The following AGO3 variants were observed in gnomAD, a reference collection of about 807,000 sequenced individuals.
AGO3 encodes the protein protein argonaute-3.
A neutral mutation model predicts 105.5 loss-of-function variants in AGO3; 16 were observed. That is an observed-to-expected ratio of 0.15 (90% CI 0.10 to 0.23). AGO3 has a LOEUF of 0.23. Among genes scored for constraint, AGO3 ranks in the 10% least tolerant of loss-of-function variants. The pLI, the probability that AGO3 is intolerant of heterozygous loss-of-function variation, is 1.00. For synonymous variants in AGO3, 340 were observed against 367.3 expected (o/e 0.93, Z 0.85); for missense variants, 534 against 1,088.0 (o/e 0.49, Z 7.16).
intron 6 of AGO3, chr1:36,005,647 C>T (rs956316231): frequency 1.1e-4 from 98 of 903,088 alleles, no homozygotes; most frequent in South Asian, 3.1e-4. Context: ...GTTACCACCT[C>T]TGATATCATG....
rs1165696072 is a variant in AGO3, at chr1:35,972,856, A to ATTTT, written c.522-501_522-498dup. Reference sequence around the variant, plus strand: ...ATCATGCCTGACTAATTAAAAAAAAATTTTTTTTTTTTTTTTTTTTTGTAG... The same window carrying ATTTT: ...ATCATGCCTGACTAATTAAAAAAAAATTTTTTTTTTTTTTTTTTTTTTTTTGTAG... On this transcript the variant is annotated intron_variant, in intron 4 of 18. Transcript: ENST00000373191. Among the ~76,000 whole-genome samples, 76 of 122,884 alleles carry ATTTT rather than the reference A, an allele frequency of 6.2e-4. 1 individual carries two copies. The highest frequency in any genetic ancestry group is 3.8e-3 in the Admixed American group (40 of 10,426). The allele number at this position is 122,884 out of a possible 152,430, so 80.6% of individuals were successfully genotyped here.
intron 9 of AGO3, among the ~76,000 whole-genome samples, chr1:36,010,094 A>G (rs1640528179): frequency 6.6e-6 from 1 of 151,530 alleles, no homozygotes; most frequent in Non-Finnish European, 1.5e-5. Flanking sequence ...GCATGCCACC[A>G]CGCCTGGCTA....
At position 36,056,348 on chromosome 1, in the gene AGO3, G is replaced by A. The variant is rs559525809; in HGVS notation, c.*603G>A. ...TCCCTTTTATTCTACCCCCACTACC[G>A]CCTTTATTTCTCTATTTCCCTTGCC... On this transcript the variant is annotated 3_prime_UTR_variant, in exon 19 of 19. Transcript: ENST00000373191. 2.0e-5 allele frequency: 3 copies of A among 151,934 alleles called. No homozygotes were observed. The highest frequency in any genetic ancestry group is 2.1e-4 in the South Asian group (1 of 4,814). 9.4% of individuals were successfully genotyped at this position (151,934 alleles called of 1,614,324 possible).
At position 36,056,964 on chromosome 1, in the gene AGO3, T is replaced by G. The variant is rs1642937575; in HGVS notation, c.*1219T>G. ...ACCGTGTTGGCCAGGATGGTCTCGA[T>G]CTCTTGACCTTGTGATCCACCCGCC... On this transcript the variant is annotated 3_prime_UTR_variant, in exon 19 of 19. Coordinates refer to ENST00000373191, the MANE Select transcript of AGO3 (RefSeq NM_024852.4). 1 of 152,138 alleles carries G rather than the reference T, an allele frequency of 6.6e-6. No homozygotes were observed. The highest frequency in any genetic ancestry group is 1.5e-5 in the Non-Finnish European group (1 of 68,048). 9.4% of individuals were successfully genotyped at this position (152,138 alleles called of 1,614,324 possible). A position where few individuals can be genotyped will look rare whatever the true frequency, so the allele number is the denominator to read the frequency against.
intron 1 of AGO3, 140 bp downstream of exon 1, chr1:35,931,585 C>T: frequency 1.1e-6 from 1 of 943,576 alleles, no homozygotes. Context: ...TCGCCCTGCT[C>T]CTCCGCGACC....
At chr1:36,053,027 G>A (rs1255808911) in intron 17 of AGO3, among the ~76,000 whole-genome samples, 1 of 152,008 alleles carries the variant, frequency 6.6e-6, no homozygotes, top group African/African-American at 2.4e-5. Context: ...GTTTCCTCCA[G>A]TATTTAATAA....
chr1:35,964,477 T>C (rs1416752447), intron 2 of AGO3, among the ~76,000 whole-genome samples: 1 of 152,198 alleles, frequency 6.6e-6, no homozygotes, highest in Admixed American at 6.5e-5. Context: ...TATGACTGCA[T>C]AGTATTCCAT....
Position 35,948,133 on chromosome 1 carries a change from A to C in AGO3, c.191+2270A>C, listed in dbSNP as rs548124455. ...TAAGTAAAGATCTGGGGCTTGAGGG[A>C]TGTCAATTCAAGTTTTTTTAGTATG... is the stretch of plus-strand genomic sequence containing the variant. On this transcript the variant is annotated intron_variant, in intron 2 of 18. Transcript: ENST00000373191. Among the ~76,000 whole-genome samples the C allele has an allele frequency of 4.6e-5, 7 of 152,178 alleles. No individual in the cohort carries two copies. The South Asian group carries it at 1.5e-3, about 32-fold the overall frequency.
intron 5 of AGO3, among the ~76,000 whole-genome samples, chr1:35,990,171 A>G (rs1647487623): frequency 6.6e-6 from 1 of 152,166 alleles, no homozygotes; most frequent in African/African-American, 2.4e-5. Flanking sequence ...TTAAGAAGCA[A>G]GATCCCTGGC....
At chr1:35,979,026 T>A (rs1647001847) in intron 5 of AGO3, among the ~76,000 whole-genome samples, 1 of 152,162 alleles carries the variant, frequency 6.6e-6, no homozygotes, top group Non-Finnish European at 1.5e-5. Flanking sequence ...ATCTTTTTGT[T>A]TTCTGGATTT....
intron 5 of AGO3, among the ~76,000 whole-genome samples, chr1:35,980,387 T>G (rs938677552): frequency 2.1e-4 from 32 of 152,252 alleles, no homozygotes; most frequent in African/African-American, 7.2e-4. Context: ...TATTCATTGA[T>G]TTGAATTCCT....
In AGO3 at chr1:35,979,506, T is replaced by C. The variant is rs114972191; in HGVS notation, c.658+5995T>C. On this transcript the variant is annotated intron_variant, in intron 5 of 18. Coordinates refer to ENST00000373191, the MANE Select transcript of AGO3 (RefSeq NM_024852.4). ...TCATATATTAGTTTAGAGTGAAATATCCATCAGAGCTACCAGTTTGATTAT... is the reference window on the plus strand; with the variant it reads ...TCATATATTAGTTTAGAGTGAAATACCCATCAGAGCTACCAGTTTGATTAT... Among the ~76,000 whole-genome samples the C allele has an allele frequency of 8.1e-3, 1,229 of 152,284 alleles. 16 individuals are homozygous for C. Among genetic ancestry groups the C allele is most frequent in the African/African-American group, 0.028 (1,152 of 41,562 alleles).
chr1:36,014,132 C>A, intron 11 of AGO3, 84 bp downstream of exon 11: 1 of 1,559,750 alleles, frequency 6.4e-7, no homozygotes, highest in Admixed American at 1.8e-5. Context: ...CAGATGTTGC[C>A]TTAATATGAA....
rs1036086252 is a variant in AGO3, at chr1:36,008,876, T to C, written c.882-21T>C. The C allele has an allele frequency of 1.7e-5, 27 of 1,614,048 alleles. No homozygotes were observed. The highest frequency in any genetic ancestry group is 2.1e-5 in the Non-Finnish European group (25 of 1,180,022). ...GCTCATAATGGGCAAGAATTGTTCA[T>C]GTGTACTTTTTTTTCCTCAGCTTTC... On this transcript the variant is annotated intron_variant, in intron 7 of 18. Transcript: ENST00000373191. The surrounding 1 kb of genome is among the most constrained non-coding windows in gnomAD (Gnocchi z 5.1).
Position 36,060,100 on chromosome 1 carries a change from G to A in AGO3, c.*4355G>A, listed in dbSNP as rs982268949. 1 of 152,152 alleles carries A rather than the reference G, an allele frequency of 6.6e-6. No individual in the cohort carries two copies. The highest frequency in any genetic ancestry group is 2.4e-5 in the African/African-American group (1 of 41,432). 9.4% of individuals were successfully genotyped at this position (152,152 alleles called of 1,614,324 possible). A position where few individuals can be genotyped will look rare whatever the true frequency, so the allele number is the denominator to read the frequency against. ...AGAAGAGAGTCTAGCAGGGATTCTA[G>A]TAGGAATTACTGAGTGTTTTGGAAG... On this transcript the variant is annotated 3_prime_UTR_variant, in exon 19 of 19. Transcript: ENST00000373191.
In AGO3 at chr1:36,027,175, C is replaced by A; in HGVS notation, c.1468C>A (p.Pro490Thr). 6.2e-7 allele frequency: 1 copy of A among 1,614,196 alleles called. No individual in the cohort carries two copies. The highest frequency in any genetic ancestry group is 8.5e-7 in the Non-Finnish European group (1 of 1,180,018). Residue 490 changes from proline to threonine, a missense_variant, in exon 12 of 19, where the codon CCA (proline) becomes ACA (threonine). Around this residue, in one of 2 missense-constraint regions of AGO3, gnomAD observed 373 missense variants for 854.0 expected, o/e 0.44. Transcript: ENST00000373191. The surrounding 1 kb of genome is among the most constrained non-coding windows in gnomAD (Gnocchi z 4.0). ...TGCAGGGATGCCCATCCAGGGCCAG[C>A]CATGCTTCTGCAAATATGCACAGGG... is the stretch of plus-strand genomic sequence containing the variant. ...KDAGMPIQGQPCFCKYAQGAD... is the reference protein window; with the variant it reads ...KDAGMPIQGQTCFCKYAQGAD...
In AGO3 at chr1:36,069,137, T is replaced by C. The variant is rs1252030131; in HGVS notation, c.*13392T>C. ...CTTTTGTTCTGAGTCAGGGTCTCAC[T>C]CTGTTGCCCAGGCTGAACTACAGTA... On this transcript the variant is annotated 3_prime_UTR_variant, in exon 19 of 19. Transcript: ENST00000373191. The C allele has an allele frequency of 6.6e-6, 1 of 152,272 alleles. No individual in the cohort carries two copies. The highest frequency in any genetic ancestry group is 2.4e-5 in the African/African-American group (1 of 41,436). 9.4% of individuals were successfully genotyped at this position (152,272 alleles called of 1,614,324 possible).
At chr1:36,025,580 G>C (rs571706321) in intron 11 of AGO3, among the ~76,000 whole-genome samples, 2 of 152,068 alleles carry the variant, frequency 1.3e-5, no homozygotes, top group Non-Finnish European at 2.9e-5. Flanking sequence ...ATTAAGCACC[G>C]ATAAGGAATA....
chr1:36,009,471 G>A lies in AGO3; in HGVS notation c.1030-4G>A. On this transcript the variant is annotated splice_region_variant and splice_polypyrimidine_tract_variant and intron_variant, in intron 8 of 18. Transcript: ENST00000373191. ...TGTAGTACAAAACTTTTTTCCATTT[G>A]TAGGTCTGTAATATTGTGGCAGGGC... 1.4e-5 allele frequency: 23 copies of A among 1,603,594 alleles called. No homozygotes were observed. Among genetic ancestry groups the A allele is most frequent in the Non-Finnish European group, 2.0e-5 (23 of 1,176,700 alleles).
Sources: gnomAD v4.1 joint callset for allele counts (sites outside exome capture counted in the v4.1 genomes callset) on GRCh38, gnomAD v4.1.1 for gene constraint, gnomAD v4.1.1 regional missense constraint, Gnocchi (gnomAD v3.1) non-coding constraint, MANE v1.5 for transcripts, NCBI Gene and HGNC (gene_info 2026-07-23, HGNC 2026-07-21) for gene names.